Variants in ARHGEF28 observed in about 807,000 individuals in gnomAD.
ARHGEF28 encodes Rho guanine nucleotide exchange factor 28.
A neutral mutation model predicts 206.6 loss-of-function variants in ARHGEF28; 152 were observed. The observed-to-expected ratio is 0.74, with a 90% CI of 0.64 to 0.84. The LOEUF is 0.84. ARHGEF28 is among the 40% of genes least tolerant of loss of function. The pLI, the probability that ARHGEF28 is intolerant of heterozygous loss-of-function variation, is 0.00. For missense variants in ARHGEF28, 2,028 were observed against 2,073.2 expected (o/e 0.98, Z 0.42); for synonymous variants, 763 against 776.4 (o/e 0.98, Z 0.29).
intron 26 of ARHGEF28, among the ~76,000 whole-genome samples, chr5:73,890,954 A>G (rs993421577): frequency 7.9e-5 from 12 of 152,214 alleles, no homozygotes; most frequent in African/African-American, 2.9e-4. Context: ...TGTTTAGAAA[A>G]AGACATTGGA....
At chr5:73,909,943 G>A (rs1220059069) in intron 34 of ARHGEF28, 46 bp downstream of exon 34, 1 of 1,472,322 alleles carries the variant, frequency 6.8e-7, no homozygotes. Context: ...CAAAGACAGG[G>A]GTGGGCCTGG....
intron 35 of ARHGEF28, among the ~76,000 whole-genome samples, chr5:73,912,898 A>G (rs1309175804): frequency 6.6e-6 from 1 of 152,204 alleles, no homozygotes; most frequent in African/African-American, 2.4e-5. Context: ...ATGGTTTTAC[A>G]TACTGGCTTT....
intron 1 of ARHGEF28, 104 bp from the exon 2 acceptor site, chr5:73,684,737 T>A: frequency 1.2e-6 from 1 of 843,370 alleles, no homozygotes; most frequent in Non-Finnish European, 1.8e-6. Context: ...TCCTATCTAA[T>A]GAGTTTGCTT....
chr5:73,796,391 A>G (rs1302959401), intron 9 of ARHGEF28, among the ~76,000 whole-genome samples: 2 of 152,220 alleles, frequency 1.3e-5, no homozygotes, highest in Non-Finnish European at 2.9e-5. Flanking sequence ...GCTGATGTGA[A>G]ATCAGGAAAA....
At chr5:73,668,169 C>T (rs1399290401) in intron 1 of ARHGEF28, among the ~76,000 whole-genome samples, 1 of 152,180 alleles carries the variant, frequency 6.6e-6, no homozygotes, top group Admixed American at 6.5e-5. Context: ...TTCTTTCAGC[C>T]TCCACCCATT....
intron 22 of ARHGEF28, among the ~76,000 whole-genome samples, chr5:73,880,029 G>A (rs966533024): frequency 2.0e-5 from 3 of 152,218 alleles, no homozygotes; most frequent in Non-Finnish European, 4.4e-5. Flanking sequence ...TGCCCCCAGC[G>A]GTGGAGCCTA....
chr5:73,745,634 T>G (rs760529594), intron 2 of ARHGEF28, among the ~76,000 whole-genome samples: 1 of 152,110 alleles, frequency 6.6e-6, no homozygotes, highest in Non-Finnish European at 1.5e-5. Context: ...TCAGTTCAGC[T>G]TTTCTGCTCT....
At chr5:73,731,311 G>A (rs1329868614) in intron 2 of ARHGEF28, among the ~76,000 whole-genome samples, 1 of 152,100 alleles carries the variant, frequency 6.6e-6, no homozygotes, top group Non-Finnish European at 1.5e-5. Context: ...GATAACTTAA[G>A]GGGTTGCTGT....
intron 2 of ARHGEF28, among the ~76,000 whole-genome samples, chr5:73,730,832 A>C (rs1750579736): frequency 6.6e-6 from 1 of 152,154 alleles, no homozygotes; most frequent in African/African-American, 2.4e-5. Context: ...GTTTATCCTA[A>C]AAATTAAGTA....
intron 35 of ARHGEF28, among the ~76,000 whole-genome samples, chr5:73,917,600 T>C (rs557008367): frequency 2.8e-4 from 43 of 152,328 alleles, no homozygotes; most frequent in African/African-American, 1.0e-3. Context: ...ACACAGAGCC[T>C]AAGACACAGC....
chr5:73,858,325 C>T lies in ARHGEF28; in HGVS notation c.2047+106C>T, dbSNP rs1326158155. ...ATTTACATAAACCTTTTCAGTGCCACACATATGACTGAACCGTTTACCAAG... is the reference window on the plus strand; with the variant it reads ...ATTTACATAAACCTTTTCAGTGCCATACATATGACTGAACCGTTTACCAAG... On this transcript the variant is annotated intron_variant, in intron 16 of 35. Coordinates refer to ENST00000513042, the MANE Select transcript of ARHGEF28 (RefSeq NM_001177693.2). 2.9e-6 allele frequency: 4 copies of T among 1,364,302 alleles called. No individual in the cohort carries two copies. The African/African-American group carries it at 4.4e-5, about 15-fold the overall frequency. The allele number at this position is 1,364,302 out of a possible 1,614,324, so 84.5% of individuals were successfully genotyped here.
intron 9 of ARHGEF28, 58 bp from the exon 10 acceptor site, chr5:73,832,280 T>G: frequency 6.3e-7 from 1 of 1,588,460 alleles, no homozygotes; most frequent in Non-Finnish European, 8.6e-7. Context: ...AGGTAAAGCT[T>G]GACTGTAAAA....
rs527422874 is a variant in ARHGEF28 at position 73,683,946 on chromosome 5, ATG to A, written c.-11-890_-11-889del. ...GTGTCTGGGGTCATAGGGTTTCCATATGTGTGGAAACTAATATAAAATAATAA... is the reference window on the plus strand; with the variant it reads ...GTGTCTGGGGTCATAGGGTTTCCATATGTGGAAACTAATATAAAATAATAA... On this transcript the variant is annotated intron_variant, in intron 1 of 35. Transcript: ENST00000513042. Among the ~76,000 whole-genome samples, 107 of 152,304 alleles carry A rather than the reference ATG, an allele frequency of 7.0e-4. 2 individuals carry two copies. In the East Asian group the frequency reaches 0.013, roughly 19 times the overall value.
At chr5:73,892,854 C>T (rs930749690) in intron 27 of ARHGEF28, among the ~76,000 whole-genome samples, 2 of 152,184 alleles carry the variant, frequency 1.3e-5, no homozygotes, top group African/African-American at 4.8e-5. Context: ...TAAAATTTCT[C>T]TACCTCTACT....
intron 35 of ARHGEF28, among the ~76,000 whole-genome samples, chr5:73,922,737 A>C (rs1418012363): frequency 6.6e-6 from 1 of 152,206 alleles, no homozygotes; most frequent in Non-Finnish European, 1.5e-5. Flanking sequence ...ATCTGACTAA[A>C]ACTGAACCCT....
rs184055873 is a variant in ARHGEF28, at chr5:73,736,570, A to G, written c.34-13267A>G. Among the ~76,000 whole-genome samples, 34 of 152,300 alleles carry G rather than the reference A, an allele frequency of 2.2e-4. No individual in the cohort carries two copies. In the East Asian group the frequency reaches 6.6e-3, roughly 29 times the overall value. ...TAATTAAAACACAAAGGGTCCTATC[A>G]TGGCCATTTTTATCCTTATGTGTTC... On this transcript the variant is annotated intron_variant, in intron 2 of 35. Transcript: ENST00000513042.
intron 7 of ARHGEF28, among the ~76,000 whole-genome samples, chr5:73,790,971 C>T (rs1442282732): frequency 6.6e-6 from 1 of 152,198 alleles, no homozygotes; most frequent in East Asian, 1.9e-4. Flanking sequence ...ATTCATCTGT[C>T]TATGAATCTG....
intron 2 of ARHGEF28, among the ~76,000 whole-genome samples, chr5:73,695,188 G>A (rs547686216): frequency 1.3e-5 from 2 of 152,170 alleles, no homozygotes; most frequent in African/African-American, 4.8e-5. Flanking sequence ...GGTGGGAGGG[G>A]CCAGGTCATG....
At chr5:73,773,117 T>C (rs1363367291) in intron 4 of ARHGEF28, among the ~76,000 whole-genome samples, 6 of 152,204 alleles carry the variant, frequency 3.9e-5, no homozygotes, top group Non-Finnish European at 7.3e-5. Context: ...ATTTGCCAGA[T>C]ACTGTGCTAG....
Sources: gnomAD v4.1 joint callset for allele counts (sites outside exome capture counted in the v4.1 genomes callset) on GRCh38, gnomAD v4.1.1 for gene constraint, MANE v1.5 for transcripts, NCBI Gene and HGNC (gene_info 2026-07-23, HGNC 2026-07-21) for gene names.